PACSIN2: variants seen among roughly 807,000 people sequenced by gnomAD.
PACSIN2 encodes protein kinase C and casein kinase substrate in neurons protein 2.
A neutral mutation model predicts 63.8 loss-of-function variants in PACSIN2; 25 were observed. That is an observed-to-expected ratio of 0.39 (90% CI 0.29 to 0.55). PACSIN2 has a LOEUF of 0.55. Ranked by LOEUF, PACSIN2 falls within the 20% of genes least tolerant of loss-of-function variation. PACSIN2 has a pLI of 0.62. For missense variants in PACSIN2, 518 were observed against 646.9 expected, an observed-to-expected ratio of 0.80 and a Z score of 2.16; for synonymous variants, 255 against 256.2, an observed-to-expected ratio of 1.00 and a Z score of 0.05.
intron 3 of PACSIN2, 129 bp downstream of exon 3, chr22:42,893,328 T>A: frequency 1.1e-6 from 1 of 937,398 alleles, no homozygotes. Flanking sequence ...GCTCTGGAAC[T>A]GGGAAATGCA....
intron 1 of PACSIN2, among the ~76,000 whole-genome samples, chr22:42,957,976 C>T (rs1274468488): frequency 2.0e-5 from 3 of 151,940 alleles, no homozygotes; most frequent in Non-Finnish European, 4.4e-5. Context: ...AATGTCAATG[C>T]TCTTTGTACT....
chr22:42,929,451 AAC>A (rs1387564632), intron 1 of PACSIN2, among the ~76,000 whole-genome samples: 1 of 152,230 alleles, frequency 6.6e-6, no homozygotes, highest in Non-Finnish European at 1.5e-5. Context: ...TGAGAACTGA[AAC>A]ACAGTGACAG....
intron 1 of PACSIN2, among the ~76,000 whole-genome samples, chr22:42,980,631 C>T (rs1346525253): frequency 1.6e-5 from 2 of 129,012 alleles, no homozygotes; most frequent in African/African-American, 2.9e-5. Context: ...CGATTGCAGG[C>T]GCGCGCCGCC....
intron 1 of PACSIN2, among the ~76,000 whole-genome samples, chr22:42,994,551 C>T (rs1247152138): frequency 3.3e-5 from 5 of 152,250 alleles, no homozygotes; most frequent in Admixed American, 3.3e-4. Flanking sequence ...ACAGCCTACC[C>T]TCAGCAGGAC....
intron 1 of PACSIN2, among the ~76,000 whole-genome samples, chr22:42,999,405 C>G (rs1407846744): frequency 5.9e-5 from 9 of 152,208 alleles, no homozygotes; most frequent in Admixed American, 5.9e-4. Context: ...CGTGGTGGCT[C>G]ATGCCTCTAA....
At chr22:42,906,835 C>T (rs1015881741) in intron 2 of PACSIN2, among the ~76,000 whole-genome samples, 5 of 152,124 alleles carry the variant, frequency 3.3e-5, no homozygotes, top group African/African-American at 4.8e-5. Flanking sequence ...TGTGTAACAT[C>T]GGGGTAGGAA....
chr22:43,009,041 G>A (rs868297197), intron 1 of PACSIN2, among the ~76,000 whole-genome samples: 1 of 152,206 alleles, frequency 6.6e-6, no homozygotes, highest in African/African-American at 2.4e-5. Context: ...AATTCAGAGA[G>A]AAAAACAGTC....
At chr22:42,966,300 G>A (rs925699449) in intron 1 of PACSIN2, among the ~76,000 whole-genome samples, 4 of 152,098 alleles carry the variant, frequency 2.6e-5, no homozygotes, top group African/African-American at 9.7e-5. Context: ...AACCTGGGAG[G>A]CGGAGGTTGC....
Position 42,912,093 on chromosome 22 carries a change from T to G in PACSIN2, c.-13A>C. 1 of 1,590,766 alleles carries G rather than the reference T, an allele frequency of 6.3e-7. No individual in the cohort carries two copies. On this transcript the variant is annotated 5_prime_UTR_variant, in exon 2 of 11. Transcript: ENST00000263246. ...ATGTGACAGACATTTTTTCAAAGGC[T>G]GAGGGAGCAGCAAAGTATACTTAGT...
At chr22:42,956,984 T>C (rs1246636400) in intron 1 of PACSIN2, among the ~76,000 whole-genome samples, 1 of 152,210 alleles carries the variant, frequency 6.6e-6, no homozygotes, top group African/African-American at 2.4e-5. Flanking sequence ...CTATACTTAA[T>C]ATATAGTGAA....
At chr22:42,937,634 C>T (rs984225731) in intron 1 of PACSIN2, among the ~76,000 whole-genome samples, 3 of 152,202 alleles carry the variant, frequency 2.0e-5, no homozygotes, top group East Asian at 1.9e-4. Flanking sequence ...AGTCAGCATA[C>T]GAGGTGCTTT....
intron 2 of PACSIN2, among the ~76,000 whole-genome samples, chr22:42,898,459 C>T (rs540546262): frequency 9.2e-5 from 14 of 152,078 alleles, no homozygotes; most frequent in East Asian, 5.8e-4. Flanking sequence ...TTAGTAGAGA[C>T]GGGTTTTCTG....
chr22:42,980,191 G>A (rs903175091), intron 1 of PACSIN2, among the ~76,000 whole-genome samples: 9 of 152,088 alleles, frequency 5.9e-5, no homozygotes, highest in Non-Finnish European at 1.2e-4. Flanking sequence ...TTGCTTCTAA[G>A]TTCTCAATTG....
intron 1 of PACSIN2, among the ~76,000 whole-genome samples, chr22:42,958,224 C>T (rs977305439): frequency 4.6e-5 from 7 of 151,918 alleles, no homozygotes; most frequent in South Asian, 2.1e-4. Flanking sequence ...ACCAACGAGA[C>T]GAGTGACCTT....
intron 2 of PACSIN2, among the ~76,000 whole-genome samples, chr22:42,904,131 A>G (rs1930894935): frequency 6.6e-6 from 1 of 152,224 alleles, no homozygotes; most frequent in South Asian, 2.1e-4. Context: ...TAGACAACAT[A>G]GAAAGAAAGG....
chr22:42,977,895 C>A (rs1921819027), intron 1 of PACSIN2, among the ~76,000 whole-genome samples: 1 of 152,154 alleles, frequency 6.6e-6, no homozygotes, highest in African/African-American at 2.4e-5. Flanking sequence ...GAAACTGAGT[C>A]AATTAAACCT....
At chr22:42,980,720 C>G (rs1053771553) in intron 1 of PACSIN2, among the ~76,000 whole-genome samples, 1 of 104,616 alleles carries the variant, frequency 9.6e-6, no homozygotes, top group Non-Finnish European at 2.0e-5. Context: ...AGCTCCTAAC[C>G]GCGAGTGATC....
intron 5 of PACSIN2, among the ~76,000 whole-genome samples, chr22:42,887,204 T>C (rs936085168): frequency 2.0e-5 from 3 of 152,062 alleles, no homozygotes; most frequent in African/African-American, 7.2e-5. Context: ...GCAATGGGAG[T>C]GAGAGGGGTT....
At chr22:42,919,851 C>T (rs908596701) in intron 1 of PACSIN2, among the ~76,000 whole-genome samples, 9 of 148,596 alleles carry the variant, frequency 6.1e-5, no homozygotes, top group Middle Eastern at 3.7e-3. Context: ...CACGGTGGTT[C>T]ACGCCTGGAA....
Sources: gnomAD v4.1 joint callset for allele counts (sites outside exome capture counted in the v4.1 genomes callset) on GRCh38, gnomAD v4.1.1 for gene constraint, MANE v1.5 for transcripts, NCBI Gene and HGNC (gene_info 2026-07-23, HGNC 2026-07-21) for gene names.